The following CAST variants were observed in gnomAD, a reference collection of about 807,000 sequenced individuals.
CAST encodes MIR583 host.
Under a neutral mutation model 119.6 loss-of-function variants are expected in CAST, and 76 were observed. The observed-to-expected ratio is 0.64, with a 90% CI of 0.53 to 0.77. The LOEUF (loss-of-function observed/expected upper bound fraction) is 0.77. CAST is among the 30% of genes least tolerant of loss of function. CAST has a pLI of 0.00. For synonymous variants in CAST, 319 were observed against 331.6 expected (o/e 0.96, Z 0.41); for missense variants, 953 against 946.5 (o/e 1.01, Z -0.09).
chr5:96,763,678 C>A (rs1479506025), intron 25 of CAST, among the ~76,000 whole-genome samples: 1 of 152,050 alleles, frequency 6.6e-6, no homozygotes, highest in Admixed American at 6.6e-5. Context: ...ATTAGGAAAT[C>A]GAAGAGTCAA....
chr5:96,227,908 G>A, the CAST span, among the ~76,000 whole-genome samples: 4 of 152,080 alleles, frequency 2.6e-5, no homozygotes, highest in Admixed American at 2.0e-4. Flanking sequence ...CAAGTATGGT[G>A]GATTTTGTCA....
chr5:96,188,071 T>G, the CAST span, among the ~76,000 whole-genome samples: 1,038 of 152,332 alleles, frequency 6.8e-3, 10 homozygotes, highest in African/African-American at 0.023. Context: ...AACCTGGATA[T>G]GGGTCCTATT....
chr5:96,100,852 A>C, the CAST span, among the ~76,000 whole-genome samples: 1 of 152,154 alleles, frequency 6.6e-6, no homozygotes, highest in Non-Finnish European at 1.5e-5. Flanking sequence ...TTGCTATGTA[A>C]ATAATTGTTA....
At chr5:96,759,744 TATA>T (rs767316324) in intron 24 of CAST, among the ~76,000 whole-genome samples, 1 of 151,972 alleles carries the variant, frequency 6.6e-6, no homozygotes, top group Non-Finnish European at 1.5e-5. Flanking sequence ...AACAGAGTAA[TATA>T]ATAATATAGA....
intron 1 of CAST, among the ~76,000 whole-genome samples, chr5:96,588,108 AT>A (rs998930508): frequency 1.4e-5 from 2 of 147,584 alleles, no homozygotes; most frequent in Non-Finnish European, 1.5e-5. Flanking sequence ...GGGTGTTATT[AT>A]TTTTTTCATA....
chr5:96,412,529 G>A, the CAST span: 1 of 1,568,772 alleles, frequency 6.4e-7, no homozygotes, highest in South Asian at 1.1e-5. Context: ...AAAGGTTGAT[G>A]TCAGTATGTA....
the CAST span, among the ~76,000 whole-genome samples, chr5:96,204,723 G>A: frequency 6.6e-6 from 1 of 151,930 alleles, no homozygotes; most frequent in Non-Finnish European, 1.5e-5. Flanking sequence ...TCCAGTGAAA[G>A]TCCCCCTGCC....
chr5:96,753,226 G>C (rs1765536613), intron 20 of CAST, among the ~76,000 whole-genome samples: 1 of 152,004 alleles, frequency 6.6e-6, no homozygotes. Flanking sequence ...AAACTCCTGA[G>C]CTCAAACAAT....
chr5:96,669,318 C>CT (rs1749765716), intron 1 of CAST, among the ~76,000 whole-genome samples: 1 of 152,142 alleles, frequency 6.6e-6, no homozygotes, highest in Admixed American at 6.5e-5. Flanking sequence ...CACATTGTCT[C>CT]TTAATTTTTC....
the CAST span, among the ~76,000 whole-genome samples, chr5:96,123,886 T>A: frequency 4.6e-5 from 7 of 152,140 alleles, no homozygotes; most frequent in African/African-American, 1.7e-4. Flanking sequence ...GCTTAGATTT[T>A]TTTTCCCCCT....
chr5:96,095,556 CAAAAAAAAA>C, the CAST span, among the ~76,000 whole-genome samples: 5 of 57,512 alleles, frequency 8.7e-5, no homozygotes, highest in Non-Finnish European at 1.4e-4. Context: ...GACTCTGTTT[CAAAAAAAAA>C]AAAAAAAAAA....
chr5:96,076,914 AT>A, the CAST span, among the ~76,000 whole-genome samples: 1 of 151,486 alleles, frequency 6.6e-6, no homozygotes, highest in Admixed American at 6.6e-5. Context: ...TATGATATAT[AT>A]TTTTGCATAA....
chr5:96,255,515 T>A, the CAST span, among the ~76,000 whole-genome samples: 5 of 152,260 alleles, frequency 3.3e-5, no homozygotes, highest in African/African-American at 9.6e-5. Flanking sequence ...GTTTAAATTA[T>A]TTACATATTT....
the CAST span, among the ~76,000 whole-genome samples, chr5:96,199,898 C>G: frequency 6.6e-6 from 1 of 152,070 alleles, no homozygotes; most frequent in South Asian, 2.1e-4. Flanking sequence ...AGCTTTAGTT[C>G]TCCGGTAGCC....
the CAST span, among the ~76,000 whole-genome samples, chr5:96,366,107 G>T: frequency 2.0e-5 from 3 of 152,208 alleles, no homozygotes; most frequent in African/African-American, 7.2e-5. Flanking sequence ...GGCTGGATAT[G>T]AAATTCTGGG....
At chr5:96,138,237 T>G in the CAST span, among the ~76,000 whole-genome samples, 2,433 of 152,192 alleles carry the variant, frequency 0.016, 52 homozygotes, top group African/African-American at 0.055. Context: ...CACCATTTAT[T>G]GAAAAGACAA....
the CAST span, among the ~76,000 whole-genome samples, chr5:96,001,387 C>A: frequency 6.6e-6 from 1 of 152,170 alleles, no homozygotes; most frequent in Non-Finnish European, 1.5e-5. Flanking sequence ...AGGAAAATGA[C>A]CCCAAAGATC....
At chr5:96,493,632 C>T in the CAST span, among the ~76,000 whole-genome samples, 1 of 152,300 alleles carries the variant, frequency 6.6e-6, no homozygotes, top group Middle Eastern at 3.4e-3. Flanking sequence ...AATGGTGTTA[C>T]ACAGGAAGTA....
At chr5:96,188,199 A>C in the CAST span, among the ~76,000 whole-genome samples, 3,157 of 152,318 alleles carry the variant, frequency 0.021, 117 homozygotes, top group African/African-American at 0.073. Flanking sequence ...CTATAGAAAG[A>C]TTAGTTTATA....
Sources: gnomAD v4.1 joint callset for allele counts (sites outside exome capture counted in the v4.1 genomes callset) on GRCh38, gnomAD v4.1.1 for gene constraint, MANE v1.5 for transcripts, NCBI Gene and HGNC (gene_info 2026-07-23, HGNC 2026-07-21) for gene names.